WWOX: variants seen among roughly 807,000 people sequenced by gnomAD.
WWOX encodes the protein WW domain containing oxidoreductase.
Under a neutral mutation model 46.2 loss-of-function variants are expected in WWOX, and 69 were observed. The ratio of observed to expected loss-of-function variants is 1.49; its 90% CI spans 1.23 to 1.82. The LOEUF (loss-of-function observed/expected upper bound fraction) is 1.82. Among genes scored for constraint, WWOX ranks in the 40% most tolerant of loss-of-function variants. WWOX has a pLI of 0.00. For synonymous variants in WWOX, 359 were observed against 202.6 expected (o/e 1.77, Z -6.56); for missense variants, 919 against 542.6 (o/e 1.69, Z -6.89).
At chr16:79,037,318 G>A (rs887541533) in intron 8 of WWOX, among the ~76,000 whole-genome samples, 1 of 152,304 alleles carries the variant, frequency 6.6e-6, no homozygotes, top group African/African-American at 2.4e-5. Flanking sequence ...GGTGAAACCA[G>A]AATGGTTTTG....
intron 5 of WWOX, among the ~76,000 whole-genome samples, chr16:78,320,725 G>T (rs775968245): frequency 6.6e-6 from 1 of 152,114 alleles, no homozygotes; most frequent in African/African-American, 2.4e-5. Context: ...GTTTCTCTTG[G>T]TTATTGACAA....
intron 5 of WWOX, among the ~76,000 whole-genome samples, chr16:78,278,147 C>T (rs1293865712): frequency 6.6e-6 from 1 of 152,022 alleles, no homozygotes; most frequent in Admixed American, 6.6e-5. Context: ...ATTATATTGC[C>T]ATTTATATTG....
chr16:79,102,443 G>A (rs1007411594), intron 8 of WWOX, among the ~76,000 whole-genome samples: 6 of 152,090 alleles, frequency 3.9e-5, no homozygotes, highest in Non-Finnish European at 7.4e-5. Context: ...ACACTGCTAG[G>A]AGCCATTGGA....
intron 8 of WWOX, chr16:79,203,013 G>T (rs77596276): frequency 3.2e-4 from 48 of 152,198 alleles, no homozygotes; most frequent in African/African-American, 1.2e-3. Context: ...TAGTCTATTG[G>T]CATCAAGTGC....
At position 78,822,730 on chromosome 16, in the gene WWOX, C is replaced by T. The variant is rs1028781357; in HGVS notation, c.1057-388878C>T. Among the ~76,000 whole-genome samples the T allele has an allele frequency of 4.6e-5, 7 of 152,030 alleles. 1 individual carries two copies. Among genetic ancestry groups the T allele is most frequent in the African/African-American group, 7.3e-5 (3 of 41,368 alleles). On this transcript the variant is annotated intron_variant, in intron 8 of 8. Coordinates refer to ENST00000566780, the MANE Select transcript of WWOX (RefSeq NM_016373.4). ...ACATCATCATTGTTGAATAAACAGA[C>T]GCTTAGCATATTTAGGTTGGAATGC...
intron 8 of WWOX, among the ~76,000 whole-genome samples, chr16:78,964,785 T>G (rs1310484730): frequency 6.6e-6 from 1 of 152,166 alleles, no homozygotes; most frequent in Non-Finnish European, 1.5e-5. Context: ...AAAAATGATT[T>G]CATGGGCCCA....
chr16:78,759,622 G>C (rs532299067), intron 8 of WWOX, among the ~76,000 whole-genome samples: 1 of 152,242 alleles, frequency 6.6e-6, no homozygotes, highest in Non-Finnish European at 1.5e-5. Flanking sequence ...GGCAACACAG[G>C]GATGTTAAAC....
At chr16:78,148,980 T>C (rs926866295) in intron 4 of WWOX, among the ~76,000 whole-genome samples, 14 of 151,852 alleles carry the variant, frequency 9.2e-5, no homozygotes, top group Non-Finnish European at 1.8e-4. Context: ...TTTCTTTTTA[T>C]TGGTAGAGGG....
intron 5 of WWOX, among the ~76,000 whole-genome samples, chr16:78,336,783 G>C (rs1301245347): frequency 6.6e-6 from 1 of 152,020 alleles, no homozygotes; most frequent in Non-Finnish European, 1.5e-5. Context: ...ATAGTATTAA[G>C]ATATTCCTAG....
chr16:78,345,869 G>T (rs934479325), intron 5 of WWOX, among the ~76,000 whole-genome samples: 2 of 118,106 alleles, frequency 1.7e-5, no homozygotes, highest in African/African-American at 5.7e-5. Flanking sequence ...ACTTTGTTGC[G>T]GTCTAATTTA....
intron 8 of WWOX, among the ~76,000 whole-genome samples, chr16:79,165,829 C>A (rs1043590735): frequency 1.3e-5 from 2 of 152,140 alleles, no homozygotes; most frequent in Non-Finnish European, 2.9e-5. Context: ...ATCCCTCACT[C>A]GGTCGCCGAA....
intron 8 of WWOX, among the ~76,000 whole-genome samples, chr16:78,662,541 G>T (rs992539241): frequency 7.9e-5 from 12 of 152,122 alleles, no homozygotes; most frequent in African/African-American, 2.9e-4. Context: ...CCAGTTGCAA[G>T]GATGCAGGAT....
At chr16:79,141,164 G>A (rs777453502) in intron 8 of WWOX, among the ~76,000 whole-genome samples, 4 of 152,160 alleles carry the variant, frequency 2.6e-5, no homozygotes, top group Non-Finnish European at 5.9e-5. Flanking sequence ...CTTTGGAGAG[G>A]CTATTCAGAA....
intron 8 of WWOX, among the ~76,000 whole-genome samples, chr16:79,021,338 G>T (rs911854743): frequency 2.6e-5 from 4 of 152,088 alleles, no homozygotes; most frequent in Non-Finnish European, 5.9e-5. Flanking sequence ...CAAGAAACTC[G>T]CTTTCTTTGG....
At chr16:79,009,745 C>T (rs966694113) in intron 8 of WWOX, among the ~76,000 whole-genome samples, 3 of 152,162 alleles carry the variant, frequency 2.0e-5, no homozygotes, top group African/African-American at 7.2e-5. Flanking sequence ...GCCACCGCTC[C>T]TGGCACCCAT....
At chr16:78,649,259 A>G (rs2046912181) in intron 8 of WWOX, among the ~76,000 whole-genome samples, 1 of 152,178 alleles carries the variant, frequency 6.6e-6, no homozygotes, top group African/African-American at 2.4e-5. Flanking sequence ...TGCTGGGATT[A>G]CAGGCGTGAG....
At chr16:78,526,165 G>A (rs1480890005) in intron 8 of WWOX, 7 of 152,264 alleles carry the variant, frequency 4.6e-5, no homozygotes, top group Admixed American at 3.9e-4. Context: ...CCCGAGGAAG[G>A]GCTTCAGTTT....
chr16:78,891,554 G>A (rs2044590421), intron 8 of WWOX: 1 of 152,166 alleles, frequency 6.6e-6, no homozygotes, highest in Non-Finnish European at 1.5e-5. Flanking sequence ...CTGACTAGTT[G>A]CCTTTAAATT....
At chr16:78,756,122 G>A (rs766760930) in intron 8 of WWOX, among the ~76,000 whole-genome samples, 5 of 152,150 alleles carry the variant, frequency 3.3e-5, no homozygotes, top group Admixed American at 2.0e-4. Context: ...GGAGGAGAGA[G>A]TATATAAAAC....
Sources: allele counts gnomAD v4.1 joint callset (sites outside exome capture counted in the v4.1 genomes callset), GRCh38; gene constraint gnomAD v4.1.1; transcripts MANE v1.5; gene names NCBI Gene and HGNC (gene_info 2026-07-23, HGNC 2026-07-21).